Variants in OLFM4 observed in about 807,000 individuals in gnomAD.
OLFM4 encodes the protein olfactomedin 4.
In OLFM4, 22 loss-of-function variants were observed where a neutral mutation model predicts 25.5. The ratio of observed to expected loss-of-function variants is 0.86; its 90% CI spans 0.62 to 1.23. The LOEUF is 1.23. OLFM4 is among the 50% of genes most tolerant of loss of function. The pLI is 0.00. For missense variants in OLFM4, 594 were observed against 619.4 expected, an observed-to-expected ratio of 0.96 and a Z score of 0.44; for synonymous variants, 255 against 237.7, an observed-to-expected ratio of 1.07 and a Z score of -0.67.
intron 2 of OLFM4, among the ~76,000 whole-genome samples, chr13:53,040,292 T>C (rs776213147): frequency 5.3e-5 from 8 of 152,222 alleles, no homozygotes; most frequent in Non-Finnish European, 1.0e-4. Context: ...TTCAAATATA[T>C]GCAACAAATC....
intron 4 of OLFM4, among the ~76,000 whole-genome samples, chr13:53,046,227 T>G (rs1169392034): frequency 6.6e-6 from 1 of 152,158 alleles, no homozygotes; most frequent in Non-Finnish European, 1.5e-5. Context: ...GTTGAGAGAG[T>G]GCATTAATAG....
rs1954613926 is a variant in OLFM4 at position 53,029,004 on chromosome 13, C to T, written c.168C>T (p.Ser56=). The change falls in exon 1 of 5, where the codon TCC becomes TCT. Residue 56 remains serine (S), a synonymous_variant. Coordinates refer to ENST00000219022, the MANE Select transcript of OLFM4 (RefSeq NM_006418.5). ...CCAGCTCCAGGTCGGGCTCCAGCTC[C>T]AGCCGCAGCTTAGGCAGCGGAGGTT... is the stretch of plus-strand genomic sequence containing the variant. ...FSSSSRSGSS[S]SRSLGSGGSV... 2 of 1,614,236 alleles carry T rather than the reference C, an allele frequency of 1.2e-6. No individual in the cohort carries two copies. Among genetic ancestry groups the T allele is most frequent in the Middle Eastern group, 1.7e-4 (1 of 6,060 alleles).
chr13:53,050,288 A>G lies in OLFM4; in HGVS notation c.1050A>G (p.Arg350=), dbSNP rs766171293. ...TGTACAACACCGGGAATATTGCCAG[A>G]GTTAACCTGACCACCAACACGATTG... The part of the protein sequence containing the change: ...VNMYNTGNIA[R]VNLTTNTIAV... The change falls in exon 5 of 5, where the codon AGA becomes AGG. Residue 350 remains arginine (R), a synonymous_variant. Coordinates refer to ENST00000219022, the MANE Select transcript of OLFM4 (RefSeq NM_006418.5). 5.6e-6 allele frequency: 9 copies of G among 1,613,990 alleles called. No individual in the cohort carries two copies. Among genetic ancestry groups the G allele is most frequent in the Non-Finnish European group, 6.8e-6 (8 of 1,179,986 alleles).
rs750934849 is a variant in OLFM4 at position 53,043,147 on chromosome 13, G to C, written c.613G>C (p.Asp205His). 1.1e-5 allele frequency: 18 copies of C among 1,612,310 alleles called. No individual in the cohort carries two copies. Among genetic ancestry groups the C allele is most frequent in the Non-Finnish European group, 3.4e-6 (4 of 1,179,330 alleles). The part of the protein sequence containing the change: ...TLLVEKLETL[D>H]KNNVLAIRRE... The stretch of plus-strand genomic sequence containing the variant: ...CTTGGTAGAGAAGCTTGAGACACTA[G>C]ACAAAAACAATGTCCTTGCCATTCG... The change falls in exon 4 of 5, where the codon GAC (aspartate) becomes CAC (histidine). Residue 205 changes from aspartate (D) to histidine (H), a missense_variant. Asp to His is a moderately conservative substitution (Grantham distance 81). Coordinates refer to ENST00000219022, the MANE Select transcript of OLFM4 (RefSeq NM_006418.5).
At chr13:53,036,106 C>A (rs982099967) in intron 2 of OLFM4, among the ~76,000 whole-genome samples, 1 of 152,124 alleles carries the variant, frequency 6.6e-6, no homozygotes, top group Non-Finnish European at 1.5e-5. Context: ...AGGCTGAGAC[C>A]CTACTTTCAG....
rs140749392 is a variant in OLFM4 at position 53,028,932 on chromosome 13, C to A, written c.96C>A (p.Pro32=). 6.2e-7 allele frequency: 1 copy of A among 1,614,234 alleles called. No individual in the cohort carries two copies. Among genetic ancestry groups the A allele is most frequent in the South Asian group, 1.1e-5 (1 of 91,086 alleles). The change falls in exon 1 of 5, where the codon CCC becomes CCA. Residue 32 remains proline (P), a synonymous_variant. Transcript: ENST00000219022. ...LGDVGPPIPS[P]GFSSFPGVDS... The stretch of plus-strand genomic sequence containing the variant: ...ATGTGGGACCTCCAATTCCCAGCCC[C>A]GGCTTCAGCTCTTTCCCAGGTGTTG...
chr13:53,045,410 T>C (rs1415621970), intron 4 of OLFM4, among the ~76,000 whole-genome samples: 1 of 152,200 alleles, frequency 6.6e-6, no homozygotes, highest in Admixed American at 6.5e-5. Flanking sequence ...ATATTATATT[T>C]ATGATGTTTA....
chr13:53,039,802 T>C (rs1340438186), intron 2 of OLFM4, among the ~76,000 whole-genome samples: 1 of 152,210 alleles, frequency 6.6e-6, no homozygotes, highest in Non-Finnish European at 1.5e-5. Flanking sequence ...CCAATGGCAG[T>C]GAGCATCAGT....
intron 2 of OLFM4, among the ~76,000 whole-genome samples, chr13:53,039,463 C>A (rs1022540920): frequency 6.6e-6 from 1 of 152,000 alleles, no homozygotes; most frequent in East Asian, 1.9e-4. Context: ...TGAAAAATTT[C>A]ACGGAAAAAA....
chr13:53,042,543 C>T (rs1036390745), intron 3 of OLFM4, among the ~76,000 whole-genome samples: 1 of 152,140 alleles, frequency 6.6e-6, no homozygotes, highest in Non-Finnish European at 1.5e-5. Context: ...TTTGAATAAC[C>T]TGGAATCCTT....
chr13:53,044,980 G>A (rs1354756834), intron 4 of OLFM4, among the ~76,000 whole-genome samples: 2 of 152,108 alleles, frequency 1.3e-5, no homozygotes, highest in Admixed American at 1.3e-4. Flanking sequence ...GAATATTCAG[G>A]GCCATCTAAC....
intron 1 of OLFM4, 38 bp from the exon 2 acceptor site, chr13:53,034,310 C>T: frequency 6.3e-6 from 10 of 1,599,596 alleles, no homozygotes; most frequent in Non-Finnish European, 7.7e-6. Context: ...GCTCAGATTC[C>T]AGCTTGTTAT....
rs142180457 is a variant in OLFM4, at chr13:53,039,162, C to T, written c.358-2748C>T. On this transcript the variant is annotated intron_variant, in intron 2 of 4. Transcript: ENST00000219022. Reference sequence around the variant, plus strand: ...ACTCATTTTTGTAGAACAACAGCTGCGATGTGCCACCAAAATGTTCCAGAG... The same window carrying T: ...ACTCATTTTTGTAGAACAACAGCTGTGATGTGCCACCAAAATGTTCCAGAG... Among the ~76,000 whole-genome samples the T allele has an allele frequency of 1.5e-3, 235 of 152,310 alleles. 1 individual carries two copies. Among genetic ancestry groups the T allele is most frequent in the East Asian group, 0.015 (80 of 5,186 alleles).
chr13:53,037,891 C>G (rs1350162501), intron 2 of OLFM4, among the ~76,000 whole-genome samples: 1 of 152,220 alleles, frequency 6.6e-6, no homozygotes, highest in Non-Finnish European at 1.5e-5. Flanking sequence ...CTTTAGCTTG[C>G]TAGCACTACA....
chr13:53,050,770 A>C lies in OLFM4; in HGVS notation c.1532A>C (p.Ter511SerextTer3), dbSNP rs760278012. The C allele has an allele frequency of 7.6e-6, 12 of 1,585,300 alleles. No homozygotes were observed. Among genetic ancestry groups the C allele is most frequent in the African/African-American group, 1.4e-5 (1 of 73,484 alleles). The change falls in exon 5 of 5, where the codon TAA becomes TCA. Residue 511 changes from the stop codon to serine, a stop_lost. Transcript: ENST00000219022. ...CTTTCTGTCTTGCAGAAGCCCCAGT[A>C]AGCTGTTTAGGAGTTAGGGTGAAAG... Reference protein sequence around the residue: ...YDLSVLQKPQ* With the variant: ...YDLSVLQKPQS
intron 4 of OLFM4, among the ~76,000 whole-genome samples, chr13:53,048,415 G>A (rs1566320627): frequency 6.6e-6 from 1 of 152,156 alleles, no homozygotes; most frequent in African/African-American, 2.4e-5. Flanking sequence ...CTCACCAACT[G>A]TGGATTTATG....
At chr13:53,031,638 G>T (rs547374367) in intron 1 of OLFM4, among the ~76,000 whole-genome samples, 27 of 152,304 alleles carry the variant, frequency 1.8e-4, no homozygotes, top group African/African-American at 6.0e-4. Context: ...AGGCTACAAG[G>T]CTGGTTTGAA....
intron 1 of OLFM4, among the ~76,000 whole-genome samples, chr13:53,030,181 G>C (rs1032750141): frequency 2.0e-5 from 3 of 152,212 alleles, no homozygotes; most frequent in Non-Finnish European, 2.9e-5. Context: ...TAATAAAAAT[G>C]TGATAATTAA....
intron 2 of OLFM4, among the ~76,000 whole-genome samples, chr13:53,036,563 G>A (rs1172320734): frequency 6.6e-6 from 1 of 152,126 alleles, no homozygotes; most frequent in African/African-American, 2.4e-5. Context: ...AGATAGGGAA[G>A]AAGTGCAGAA....
Sources: allele counts gnomAD v4.1 joint callset (sites outside exome capture counted in the v4.1 genomes callset), GRCh38; gene constraint gnomAD v4.1.1; transcripts MANE v1.5; gene names NCBI Gene and HGNC (gene_info 2026-07-23, HGNC 2026-07-21).